OR2T11: variants seen among roughly 807,000 people sequenced by gnomAD.
OR2T11 encodes olfactory receptor 2T11.
Under a neutral mutation model 13.5 loss-of-function variants are expected in OR2T11, and 14 were observed. The ratio of observed to expected loss-of-function variants is 1.04; its 90% confidence interval spans 0.69 to 1.62. The LOEUF is 1.62. Among genes scored for constraint, OR2T11 ranks in the 40% most tolerant of loss-of-function variants. The pLI is 0.00. For missense variants in OR2T11, 410 were observed against 389.7 expected (o/e 1.05, Z -0.44); for synonymous variants, 163 against 154.6 (o/e 1.05, Z -0.40).
Position 248,624,129 on chromosome 1 carries a change from G to T in OR2T11, c.*2049C>A, listed in dbSNP as rs754377878. Reference sequence around the variant, plus strand: ...TCTCCACTTCTAAACTGGTTTCTGTGCTTTCGGCCACTCTCAAAGGCCATC... The same window carrying T: ...TCTCCACTTCTAAACTGGTTTCTGTTCTTTCGGCCACTCTCAAAGGCCATC... On this transcript the variant is annotated 3_prime_UTR_variant, in exon 2 of 2. Transcript: ENST00000641193. The T allele has an allele frequency of 7.0e-6, 1 of 142,680 alleles. No homozygotes were observed. Among genetic ancestry groups the T allele is most frequent in the African/African-American group, 2.8e-5 (1 of 36,120 alleles). 8.8% of individuals were successfully genotyped at this position (142,680 alleles called of 1,614,324 possible). A position where few individuals can be genotyped will look rare whatever the true frequency, so the allele number is the denominator to read the frequency against.
Position 248,626,944 on chromosome 1 carries a change from T to TG in OR2T11, c.184dup (p.Gln62ProfsTer24). The stretch of plus-strand genomic sequence containing the variant: ...GAAAAGGGTGTCCATGATGGACAGC[T>TG]GACTGAGCAGAAAGTACATGGGGGT... On this transcript the variant is annotated frameshift_variant, in exon 2 of 2. Coordinates refer to ENST00000641193, the MANE Select transcript of OR2T11 (RefSeq NM_001001964.2). LOFTEE classifies it high-confidence loss of function. 1.3e-6 allele frequency: 2 copies of TG among 1,571,824 alleles called. No individual in the cohort carries two copies. Among genetic ancestry groups the TG allele is most frequent in the Non-Finnish European group, 1.7e-6 (2 of 1,155,884 alleles).
In OR2T11 at chr1:248,627,941, CTA is replaced by C. The variant is rs761762231; in HGVS notation, c.-144-671_-144-670del. 1.4e-5 allele frequency among the ~76,000 whole-genome samples: 2 copies of C among 143,722 alleles called. 1 individual carries two copies. Among genetic ancestry groups the C allele is most frequent in the East Asian group, 4.0e-4 (2 of 5,002 alleles). 94.3% of individuals were successfully genotyped at this position (143,722 alleles called of 152,430 possible). On this transcript the variant is annotated intron_variant, in intron 1 of 1. Transcript: ENST00000641193. ...CAGATAAATTAGAAGGTAAAAAAAA[CTA>C]TTTGCAAAAAGCTCCCAGAATTAAG...
rs1471787441 is a variant in OR2T11 at position 248,634,339 on chromosome 1, GGTAT to G, written c.-145+695_-145+698del. On this transcript the variant is annotated intron_variant, in intron 1 of 1. Coordinates refer to ENST00000641193, the MANE Select transcript of OR2T11 (RefSeq NM_001001964.2). ...TGAAACAACCAGAGTTGAAGCTACA[GGTAT>G]TTATTTACCATTTTATATTCTTAGC... Among the ~76,000 whole-genome samples the G allele has an allele frequency of 1.6e-4, 2 of 12,644 alleles. 1 individual carries two copies. Among genetic ancestry groups the G allele is most frequent in the African/African-American group, 1.9e-4 (2 of 10,376 alleles). The allele number at this position is 12,644 out of a possible 152,430, so 8.3% of individuals were successfully genotyped here. A position where few individuals can be genotyped will look rare whatever the true frequency, so the allele number is the denominator to read the frequency against.
At chr1:248,627,393 TGG>T in intron 1 of OR2T11, 121 bp from the exon 2 acceptor site, 1 of 456,672 alleles carries the variant, frequency 2.2e-6, no homozygotes, top group Non-Finnish European at 3.9e-6. Flanking sequence ...CTGGAGGTTA[TGG>T]TAACTGCGTG....
rs1476470312 is a variant in OR2T11, at chr1:248,630,487, CTCT to C, written c.-144-3218_-144-3216del. Among the ~76,000 whole-genome samples the C allele has an allele frequency of 6.4e-4, 92 of 143,944 alleles. 9 individuals carry two copies. The highest frequency in any genetic ancestry group is 6.6e-4 in the Non-Finnish European group (44 of 66,400). 94.4% of individuals were successfully genotyped at this position (143,944 alleles called of 152,430 possible). A position where few individuals can be genotyped will look rare whatever the true frequency, so the allele number is the denominator to read the frequency against. ...TCTGAATCTGTCCTTGCTCTGACAGCTCTTCAACTCAGGTACCAATTAATAGGT... is the reference window on the plus strand; with the variant it reads ...TCTGAATCTGTCCTTGCTCTGACAGCTCAACTCAGGTACCAATTAATAGGT... On this transcript the variant is annotated intron_variant, in intron 1 of 1. Transcript: ENST00000641193.
Position 248,626,896 on chromosome 1 carries a change from A to G in OR2T11, c.233T>C (p.Leu78Pro). The G allele has an allele frequency of 6.4e-7, 1 of 1,570,306 alleles. No individual in the cohort carries two copies. Among genetic ancestry groups the G allele is most frequent in the Non-Finnish European group, 8.7e-7 (1 of 1,154,428 alleles). ...TLFICTTVPK[L>P]LADMVSKEKI... Reference sequence around the variant, plus strand: ...CTCTTTAGAAACCATGTCTGCCAGGAGTTTTGGGACAGTGGTACAGATGAA... The same window carrying G: ...CTCTTTAGAAACCATGTCTGCCAGGGGTTTTGGGACAGTGGTACAGATGAA... The change falls in exon 2 of 2, where the codon CTC (leucine) becomes CCC (proline). Residue 78 changes from leucine to proline, a missense_variant. By Grantham distance (98) the Leu-to-Pro change is moderately conservative. Transcript: ENST00000641193.
chr1:248,631,616 C>T (rs1660616693), intron 1 of OR2T11, among the ~76,000 whole-genome samples: 1 of 143,560 alleles, frequency 7.0e-6, no homozygotes, highest in South Asian at 2.2e-4. Context: ...TTTCTGATCA[C>T]AAGTTGTCAA....
intron 1 of OR2T11, among the ~76,000 whole-genome samples, chr1:248,632,004 T>G (rs765684462): frequency 2.1e-5 from 3 of 144,086 alleles, no homozygotes; most frequent in Admixed American, 6.8e-5. Flanking sequence ...AAAATTCCAA[T>G]GTTTCTAGCA....
Position 248,632,504 on chromosome 1 carries a change from T to C in OR2T11, c.-145+2534A>G, listed in dbSNP as rs575772962. On this transcript the variant is annotated intron_variant, in intron 1 of 1. Transcript: ENST00000641193. The stretch of plus-strand genomic sequence containing the variant: ...CTAAGTTACAGGAGAGTCTCCCTGC[T>C]GTGGATTGGGGACAGTTGAGGGACC... 6.3e-3 allele frequency among the ~76,000 whole-genome samples: 862 copies of C among 137,720 alleles called. 154 individuals carry two copies. Among genetic ancestry groups the C allele is most frequent in the African/African-American group, 0.024 (830 of 34,172 alleles). The allele number at this position is 137,720 out of a possible 152,430, so 90.3% of individuals were successfully genotyped here. A position where few individuals can be genotyped will look rare whatever the true frequency, so the allele number is the denominator to read the frequency against.
rs1260874104 is a variant in OR2T11 at position 248,627,703 on chromosome 1, G to A, written c.-144-431C>T. On this transcript the variant is annotated intron_variant, in intron 1 of 1. Coordinates refer to ENST00000641193, the MANE Select transcript of OR2T11 (RefSeq NM_001001964.2). ...GACGACAAGTGCAGTGTCATGACAT[G>A]GATGTATCGCATAGTGGAGTCTTGT... Among the ~76,000 whole-genome samples, 2 of 143,110 alleles carry A rather than the reference G, an allele frequency of 1.4e-5. 1 individual carries two copies. The allele number at this position is 143,110 out of a possible 152,430, so 93.9% of individuals were successfully genotyped here. A position where few individuals can be genotyped will look rare whatever the true frequency, so the allele number is the denominator to read the frequency against.
At position 248,625,364 on chromosome 1, in the gene OR2T11, C is replaced by T. The variant is rs1572100610; in HGVS notation, c.*814G>A. ...TATCATGTAACACCCGCATGGAAAA[C>T]TCCAGGGACTTCCCACCCCACTCAG... On this transcript the variant is annotated 3_prime_UTR_variant, in exon 2 of 2. Transcript: ENST00000641193. 1 of 144,108 alleles carries T rather than the reference C, an allele frequency of 6.9e-6. No individual in the cohort carries two copies. Among genetic ancestry groups the T allele is most frequent in the East Asian group, 2.0e-4 (1 of 5,004 alleles). 8.9% of individuals were successfully genotyped at this position (144,108 alleles called of 1,614,324 possible).
chr1:248,633,916 C>T (rs1334769016), intron 1 of OR2T11, among the ~76,000 whole-genome samples: 1 of 142,948 alleles, frequency 7.0e-6, no homozygotes, highest in African/African-American at 2.7e-5. Flanking sequence ...GACTTTTTCA[C>T]ATAAGCTCCA....
rs1660533129 is a variant in OR2T11, at chr1:248,626,956, A to G, written c.173T>C (p.Phe58Ser). ...VDSRLHTPMY[F>S]LLSQLSIMDT... ...CATGATGGACAGCTGACTGAGCAGA[A>G]AGTACATGGGGGTGTGGAGGCGAGA... The change falls in exon 2 of 2, where the codon TTT (phenylalanine) becomes TCT (serine). Residue 58 changes from phenylalanine to serine, a missense_variant. By Grantham distance (155) the Phe-to-Ser change is radical. Coordinates refer to ENST00000641193, the MANE Select transcript of OR2T11 (RefSeq NM_001001964.2). 1.9e-6 allele frequency: 3 copies of G among 1,572,260 alleles called. 1 individual carries two copies. Among genetic ancestry groups the G allele is most frequent in the Admixed American group, 3.4e-5 (2 of 58,332 alleles).
At position 248,626,846 on chromosome 1, in the gene OR2T11, C is replaced by T. The variant is rs748351589; in HGVS notation, c.283G>A (p.Gly95Ser). ...GTCAGGTAGAGGAAGATCTGGATGC[C>T]ACAGGCCACAAAGGAAATGATCTTC... The part of the protein sequence containing the change: ...KEKIISFVAC[G>S]IQIFLYLTMI... Residue 95 changes from glycine (G) to serine (S), a missense_variant, in exon 2 of 2, where the codon GGC (glycine) becomes AGC (serine). Physicochemically the swap from Gly to Ser is moderately conservative, Grantham distance 56 (BLOSUM62 0). Transcript: ENST00000641193. 3.8e-6 allele frequency: 6 copies of T among 1,571,798 alleles called. No individual in the cohort carries two copies.
At chr1:248,632,347 GATT>G (rs1313185887) in intron 1 of OR2T11, among the ~76,000 whole-genome samples, 1 of 139,300 alleles carries the variant, frequency 7.2e-6, no homozygotes, top group East Asian at 2.1e-4. Flanking sequence ...CTAATGGACA[GATT>G]TTTTTAAAAG....
chr1:248,626,855 C>T lies in OR2T11; in HGVS notation c.274G>A (p.Val92Met). The T allele has an allele frequency of 6.4e-7, 1 of 1,571,682 alleles. No homozygotes were observed. The highest frequency in any genetic ancestry group is 8.7e-7 in the Non-Finnish European group (1 of 1,155,834). The change falls in exon 2 of 2, where the codon GTG becomes ATG. Residue 92 changes from valine (V) to methionine (M), a missense_variant. Coordinates refer to ENST00000641193, the MANE Select transcript of OR2T11 (RefSeq NM_001001964.2). ...AGGAAGATCTGGATGCCACAGGCCA[C>T]AAAGGAAATGATCTTCTCTTTAGAA... ...MVSKEKIISF[V>M]ACGIQIFLYL... is the part of the protein sequence containing the mutation.
chr1:248,632,982 T>A (rs2103104190), intron 1 of OR2T11, among the ~76,000 whole-genome samples: 1 of 53,474 alleles, frequency 1.9e-5, no homozygotes, highest in Admixed American at 2.2e-4. Context: ...AAGGGGGGAA[T>A]CTCAAACTGC....
intron 1 of OR2T11, among the ~76,000 whole-genome samples, chr1:248,634,137 G>A (rs1660653335): frequency 7.0e-6 from 1 of 142,476 alleles, no homozygotes; most frequent in African/African-American, 2.8e-5. Context: ...TTTTTAGAAG[G>A]TACTAAGCCT....
chr1:248,627,407 T>C (rs570142793), intron 1 of OR2T11, 135 bp from the exon 2 acceptor site: 1 of 432,462 alleles, frequency 2.3e-6, no homozygotes, highest in East Asian at 4.2e-5. Context: ...AACTGCGTGA[T>C]ACAATTGCTG....
Sources: gnomAD v4.1 joint callset for allele counts (sites outside exome capture counted in the v4.1 genomes callset) on GRCh38, gnomAD v4.1.1 for gene constraint, MANE v1.5 for transcripts, NCBI Gene and HGNC (gene_info 2026-07-23, HGNC 2026-07-21) for gene names.